OPHN1: variants seen among roughly 807,000 people sequenced by gnomAD.
OPHN1 encodes oligophrenin-1.
A neutral mutation model predicts 60.7 loss-of-function variants in OPHN1; 11 were observed. The ratio of observed to expected loss-of-function variants is 0.18; its 90% CI spans 0.11 to 0.30. The LOEUF (loss-of-function observed/expected upper bound fraction) is 0.30, where lower values mean the gene tolerates loss of function less well. OPHN1 is among the 10% of genes least tolerant of loss of function. The probability of loss-of-function intolerance (pLI) is 1.00; values close to 1 mark genes in which losing one functional copy is unlikely to be tolerated. For synonymous variants in OPHN1, 226 were observed against 222.6 expected (o/e 1.02, Z -0.14); for missense variants, 449 against 611.0 (o/e 0.73, Z 2.80).
At chrX:68,176,833 G>T (rs1464859087) in intron 15 of OPHN1, among the ~76,000 whole-genome samples, 1 of 110,789 alleles carries the variant, frequency 9.0e-6, no homozygotes. Flanking sequence ...ATGGGTTAAA[G>T]AAGTAAAAGC....
At chrX:68,420,170 G>A (rs745621783) in intron 2 of OPHN1, among the ~76,000 whole-genome samples, 5 of 111,626 alleles carry the variant, frequency 4.5e-5, no homozygotes, top group African/African-American at 1.3e-4. Flanking sequence ...GGCTACTTCC[G>A]TTTCTCTACA....
chrX:68,289,739 T>C (rs767155297), intron 3 of OPHN1, among the ~76,000 whole-genome samples: 12 of 112,414 alleles, frequency 1.1e-4, no homozygotes, highest in Non-Finnish European at 2.1e-4. Flanking sequence ...TACAGAGGGA[T>C]AAACCTTTAT....
At chrX:68,361,547 T>G (rs1424966850) in intron 2 of OPHN1, among the ~76,000 whole-genome samples, 1 of 108,353 alleles carries the variant, frequency 9.2e-6, no homozygotes, top group Non-Finnish European at 1.9e-5. Flanking sequence ...ATAAAAAGAT[T>G]TAAAAGAAGT....
chrX:68,078,948 T>C (rs2147378081), intron 19 of OPHN1, among the ~76,000 whole-genome samples: 1 of 109,103 alleles, frequency 9.2e-6, no homozygotes, highest in South Asian at 4.1e-4. Context: ...ATTGCACCAC[T>C]GCACTCCATC....
intron 2 of OPHN1, among the ~76,000 whole-genome samples, chrX:68,387,978 A>C: frequency 9.1e-6 from 1 of 109,728 alleles, no homozygotes; most frequent in East Asian, 2.8e-4. Context: ...CGTGGCATGC[A>C]AAGGGAACAG....
rs148384904 is a variant in OPHN1 at position 68,281,601 on chromosome X, A to G, written c.312+1455T>C. The stretch of plus-strand genomic sequence containing the variant: ...CTTCATTAAAATTAAAAACCTATGC[A>G]ATGCAAAAGAGACTATTAAGAAAAT... On this transcript the variant is annotated intron_variant, in intron 4 of 24. Transcript: ENST00000355520. Among the ~76,000 whole-genome samples, 32 of 112,289 alleles carry G rather than the reference A, an allele frequency of 2.8e-4. No individual in the cohort carries two copies. The East Asian group carries it at 8.1e-3, about 28-fold the overall frequency.
intron 2 of OPHN1, among the ~76,000 whole-genome samples, chrX:68,404,702 A>G (rs1302022304): frequency 1.8e-5 from 2 of 111,824 alleles, no homozygotes; most frequent in Admixed American, 9.6e-5. Flanking sequence ...AAATTCTGAC[A>G]CATTCGGGTA....
At chrX:68,393,173 C>T (rs73541315) in intron 2 of OPHN1, among the ~76,000 whole-genome samples, 1,410 of 112,728 alleles carry the variant, frequency 0.013, 22 homozygotes, top group African/African-American at 0.043. Context: ...ACAGATGAGC[C>T]ACACCTCTGT....
intron 15 of OPHN1, among the ~76,000 whole-genome samples, chrX:68,159,834 C>T (rs973936211): frequency 1.1e-4 from 12 of 110,176 alleles, no homozygotes; most frequent in Non-Finnish European, 2.3e-4. Flanking sequence ...AAAAAATTTC[C>T]ATTTAATACA....
chrX:68,342,623 T>C lies in OPHN1; in HGVS notation c.155-43527A>G, dbSNP rs779205946. 4.5e-5 allele frequency among the ~76,000 whole-genome samples: 5 copies of C among 112,024 alleles called. No individual in the cohort carries two copies. In the East Asian group the frequency reaches 1.4e-3, roughly 31 times the overall value. ...AAGAAAGCAGTAACAAAAGATCACA[T>C]GTGGTTTGATTCCATTTATATGAAA... On this transcript the variant is annotated intron_variant, in intron 2 of 24. Coordinates refer to ENST00000355520, the MANE Select transcript of OPHN1 (RefSeq NM_002547.3).
At chrX:68,211,129 T>C (rs1287750446) in intron 8 of OPHN1, among the ~76,000 whole-genome samples, 2 of 111,388 alleles carry the variant, frequency 1.8e-5, no homozygotes, top group Non-Finnish European at 1.9e-5. Context: ...GAGCCCCTAG[T>C]TCCTTTCTGC....
At chrX:68,143,784 T>C (rs1444345270) in intron 15 of OPHN1, among the ~76,000 whole-genome samples, 1 of 111,850 alleles carries the variant, frequency 8.9e-6, no homozygotes, top group Admixed American at 9.5e-5. Context: ...AGAGAACTCC[T>C]GGAAGCTTGT....
intron 5 of OPHN1, among the ~76,000 whole-genome samples, chrX:68,242,201 AC>A (rs1399169395): frequency 1.4e-5 from 1 of 71,830 alleles, no homozygotes; most frequent in Non-Finnish European, 2.5e-5. Context: ...GCATGGTGAG[AC>A]CCCCATCTCT....
chrX:68,424,196 A>AAAAAT (rs2078843870), intron 2 of OPHN1, among the ~76,000 whole-genome samples: 1 of 18,260 alleles, frequency 5.5e-5, no homozygotes, highest in South Asian at 4.1e-3. Context: ...AAATAAAAAT[A>AAAAAT]AAAAAAAAAT....
chrX:68,164,741 A>G (rs1428746489), intron 15 of OPHN1, among the ~76,000 whole-genome samples: 1 of 111,977 alleles, frequency 8.9e-6, no homozygotes, highest in Non-Finnish European at 1.9e-5. Flanking sequence ...GAAGCCAGGC[A>G]TTGACTTCTC....
chrX:68,107,001 A>G (rs1418384963), intron 18 of OPHN1, among the ~76,000 whole-genome samples: 1 of 111,748 alleles, frequency 8.9e-6, no homozygotes, highest in South Asian at 3.7e-4. Flanking sequence ...ATATTGCCAT[A>G]TTTGCTTTTA....
intron 15 of OPHN1, among the ~76,000 whole-genome samples, chrX:68,142,934 T>C (rs1445020337): frequency 2.7e-5 from 3 of 111,963 alleles, no homozygotes; most frequent in East Asian, 5.6e-4. Context: ...CTGATTGAAA[T>C]TTCTCAGTTT....
rs375326241 is a variant in OPHN1, at chrX:68,219,952, G to C, written c.487-5980C>G. On this transcript the variant is annotated intron_variant, in intron 6 of 24. Coordinates refer to ENST00000355520, the MANE Select transcript of OPHN1 (RefSeq NM_002547.3). ...AATCAGAGCAGAACTGAAGGAAATAGAGACACAAAAAACCCTTCAAAAAAT... is the reference window on the plus strand; with the variant it reads ...AATCAGAGCAGAACTGAAGGAAATACAGACACAAAAAACCCTTCAAAAAAT... Among the ~76,000 whole-genome samples, 10 of 86,709 alleles carry C rather than the reference G, an allele frequency of 1.2e-4. 1 individual carries two copies. Among genetic ancestry groups the C allele is most frequent in the Middle Eastern group, 0.011 (2 of 180 alleles). The allele number at this position is 86,709 out of a possible 115,157, so 75.3% of individuals were successfully genotyped here.
Position 68,196,137 on chromosome X carries a change from T to C in OPHN1, c.1104+1049A>G, listed in dbSNP as rs1021782517. 6.3e-5 allele frequency among the ~76,000 whole-genome samples: 7 copies of C among 111,773 alleles called. No individual in the cohort carries two copies. In the East Asian group the frequency reaches 8.5e-4, roughly 14 times the overall value. ...CTGCTACCTTCCAGTTTACTATAAG[T>C]GCAATCTGGGATCTAGTTACCCCTC... On this transcript the variant is annotated intron_variant, in intron 12 of 24. Transcript: ENST00000355520.
Sources: allele counts gnomAD v4.1 joint callset (sites outside exome capture counted in the v4.1 genomes callset), GRCh38; gene constraint gnomAD v4.1.1; transcripts MANE v1.5; gene names NCBI Gene and HGNC (gene_info 2026-07-23, HGNC 2026-07-21).